The following GRID1 variants were observed in gnomAD, a reference collection of about 807,000 sequenced individuals.
GRID1 encodes the protein glutamate receptor ionotropic, delta-1.
GRID1 carries 28 observed loss-of-function variants against 98.0 expected under a neutral mutation model. That is an observed-to-expected ratio of 0.29 (90% CI 0.21 to 0.39). The LOEUF is 0.39. Among genes scored for constraint, GRID1 ranks in the 10% least tolerant of loss-of-function variants. GRID1 has a pLI of 1.00. For synonymous variants in GRID1, 553 were observed against 538.5 expected, an observed-to-expected ratio of 1.03 and a Z score of -0.37; for missense variants, 1,111 against 1,340.5, an observed-to-expected ratio of 0.83 and a Z score of 2.67.
intron 5 of GRID1, among the ~76,000 whole-genome samples, chr10:85,875,903 C>A (rs1010842680): frequency 6.6e-6 from 1 of 152,132 alleles, no homozygotes; most frequent in Non-Finnish European, 1.5e-5. Context: ...GACCTCAGAC[C>A]TTATATCTGG....
chr10:86,073,239 AGCCTTTCTC>A, intron 4 of GRID1, among the ~76,000 whole-genome samples: 1 of 152,242 alleles, frequency 6.6e-6, no homozygotes. Context: ...CTCATCACAC[AGCCTTTCTC>A]TCCAACAGAG....
chr10:85,947,300 T>C (rs1209583938), intron 4 of GRID1, among the ~76,000 whole-genome samples: 1 of 152,212 alleles, frequency 6.6e-6, no homozygotes, highest in Non-Finnish European at 1.5e-5. Flanking sequence ...TGTGCAAGGA[T>C]ACACTCCAAG....
intron 4 of GRID1, among the ~76,000 whole-genome samples, chr10:86,115,262 T>C (rs1167540402): frequency 6.6e-6 from 1 of 152,240 alleles, no homozygotes; most frequent in Admixed American, 6.5e-5. Context: ...ACTTTCTTTT[T>C]CTAATGTGAC....
At chr10:85,908,910 C>A in intron 5 of GRID1, among the ~76,000 whole-genome samples, 1 of 152,224 alleles carries the variant, frequency 6.6e-6, no homozygotes, top group Non-Finnish European at 1.5e-5. Context: ...AAACATAATT[C>A]TTAAAAGAAT....
chr10:85,997,590 A>T (rs895622057), intron 4 of GRID1, among the ~76,000 whole-genome samples: 9 of 152,172 alleles, frequency 5.9e-5, no homozygotes, highest in African/African-American at 2.2e-4. Flanking sequence ...CATAGTAAAA[A>T]TCACAATACA....
At chr10:85,838,276 G>C (rs922750020) in intron 8 of GRID1, among the ~76,000 whole-genome samples, 2 of 152,166 alleles carry the variant, frequency 1.3e-5, no homozygotes, top group Admixed American at 1.3e-4. Context: ...AACCTAGCTA[G>C]AGAGGTTAAC....
chr10:86,154,519 C>A (rs978247005), intron 3 of GRID1, among the ~76,000 whole-genome samples: 1 of 152,124 alleles, frequency 6.6e-6, no homozygotes, highest in Non-Finnish European at 1.5e-5. Context: ...TCTTGACCAA[C>A]CTCCATATCC....
At chr10:85,842,724 A>C (rs1185048576) in intron 8 of GRID1, among the ~76,000 whole-genome samples, 2 of 152,084 alleles carry the variant, frequency 1.3e-5, no homozygotes. Context: ...ATATCCCAAT[A>C]ACCGTTAGAG....
chr10:85,664,293 T>G (rs531652657), intron 12 of GRID1, among the ~76,000 whole-genome samples: 1 of 152,158 alleles, frequency 6.6e-6, no homozygotes, highest in African/African-American at 2.4e-5. Context: ...AGTATGAGCA[T>G]CTCTATTGTC....
At chr10:85,770,107 C>A (rs182834951) in intron 8 of GRID1, among the ~76,000 whole-genome samples, 1 of 152,154 alleles carries the variant, frequency 6.6e-6, no homozygotes, top group African/African-American at 2.4e-5. Flanking sequence ...CTCACACGGC[C>A]GGGTACTCCT....
chr10:86,300,980 C>A lies in GRID1; in HGVS notation c.235+62961G>T, dbSNP rs541809625. On this transcript the variant is annotated intron_variant, in intron 2 of 15. Transcript: ENST00000327946. ...AGACTGGGTTCAAATTCCATCTCCA[C>A]CATTTACCAGCTAGGCGGTCTTGGA... Among the ~76,000 whole-genome samples, 11 of 152,326 alleles carry A rather than the reference C, an allele frequency of 7.2e-5. No individual in the cohort carries two copies. In the South Asian group the frequency reaches 1.9e-3, roughly 26 times the overall value.
intron 12 of GRID1, among the ~76,000 whole-genome samples, chr10:85,680,286 CT>C (rs990414593): frequency 5.9e-5 from 9 of 152,234 alleles, no homozygotes; most frequent in African/African-American, 2.2e-4. Context: ...GCTGTATTTC[CT>C]TCCTCCATTC....
chr10:86,185,662 G>C (rs1845716643), intron 3 of GRID1, among the ~76,000 whole-genome samples: 1 of 152,136 alleles, frequency 6.6e-6, no homozygotes, highest in African/African-American at 2.4e-5. Flanking sequence ...AGTTTGCTGA[G>C]AGTTTTAACA....
rs74917574 is a variant in GRID1 at position 85,734,464 on chromosome 10, G to A, written c.1234-4850C>T. Among the ~76,000 whole-genome samples, 819 of 152,250 alleles carry A rather than the reference G, an allele frequency of 5.4e-3. 12 individuals are homozygous for A. The South Asian group carries it at 0.057, about 11-fold the overall frequency. On this transcript the variant is annotated intron_variant, in intron 8 of 15. Transcript: ENST00000327946. Reference sequence around the variant, plus strand: ...ATCATGCTTCTCTCTTTATCTAAAAGTGGTTAGGAATTAAAAGTATTTTTG... The same window carrying A: ...ATCATGCTTCTCTCTTTATCTAAAAATGGTTAGGAATTAAAAGTATTTTTG...
At chr10:85,688,794 T>A (rs539036507) in intron 12 of GRID1, among the ~76,000 whole-genome samples, 1 of 152,278 alleles carries the variant, frequency 6.6e-6, no homozygotes, top group African/African-American at 2.4e-5. Flanking sequence ...AAGTTGAGCC[T>A]ATGTATCTGG....
At chr10:85,974,974 A>G (rs1267266813) in intron 4 of GRID1, among the ~76,000 whole-genome samples, 2 of 152,228 alleles carry the variant, frequency 1.3e-5, no homozygotes, top group African/African-American at 4.8e-5. Flanking sequence ...ACTTCTAGGT[A>G]CATGTGTTTA....
chr10:85,628,258 GTGTA>G (rs1842934763), intron 13 of GRID1, among the ~76,000 whole-genome samples: 1 of 151,888 alleles, frequency 6.6e-6, no homozygotes, highest in Non-Finnish European at 1.5e-5. Context: ...AGGTATGACT[GTGTA>G]TGTGTGTGAA....
intron 2 of GRID1, among the ~76,000 whole-genome samples, chr10:86,347,235 C>A (rs989658709): frequency 2.0e-5 from 3 of 152,188 alleles, no homozygotes; most frequent in African/African-American, 7.2e-5. Context: ...GGCTCCCAGT[C>A]CAATCCCCCC....
chr10:85,704,337 G>C (rs1841489571), intron 12 of GRID1, among the ~76,000 whole-genome samples: 1 of 152,126 alleles, frequency 6.6e-6, no homozygotes, highest in Admixed American at 6.5e-5. Context: ...TGATAAAACA[G>C]ACTTTAAACC....
Sources: gnomAD v4.1 joint callset for allele counts (sites outside exome capture counted in the v4.1 genomes callset) on GRCh38, gnomAD v4.1.1 for gene constraint, MANE v1.5 for transcripts, NCBI Gene and HGNC (gene_info 2026-07-23, HGNC 2026-07-21) for gene names.